Variants in DNAJC6 observed in about 807,000 individuals in gnomAD.
DNAJC6 encodes the protein DnaJ heat shock protein family (Hsp40) member C6.
Under a neutral mutation model 110.0 loss-of-function variants are expected in DNAJC6, and 34 were observed. The observed-to-expected ratio is 0.31, with a 90% CI of 0.24 to 0.41. The LOEUF (loss-of-function observed/expected upper bound fraction) is 0.41. Among genes scored for constraint, DNAJC6 ranks in the 10% least tolerant of loss-of-function variants. The pLI, the probability that DNAJC6 is intolerant of heterozygous loss-of-function variation, is 1.00. For missense variants in DNAJC6, 1,031 were observed against 1,207.8 expected, an observed-to-expected ratio of 0.85 and a Z score of 2.17; for synonymous variants, 406 against 437.2, an observed-to-expected ratio of 0.93 and a Z score of 0.89.
intron 1 of DNAJC6, among the ~76,000 whole-genome samples, chr1:65,343,515 C>T (rs1052499906): frequency 1.3e-5 from 2 of 152,142 alleles, no homozygotes; most frequent in Non-Finnish European, 2.9e-5. Context: ...CTGGGATATG[C>T]ATCATCCCTT....
chr1:65,413,703 C>T lies in DNAJC6; in HGVS notation c.*678C>T, dbSNP rs538787283. 7 of 152,282 alleles carry T rather than the reference C, an allele frequency of 4.6e-5. No individual in the cohort carries two copies. Among genetic ancestry groups the T allele is most frequent in the Middle Eastern group, 3.4e-3 (1 of 294 alleles). 9.4% of individuals were successfully genotyped at this position (152,282 alleles called of 1,614,324 possible). On this transcript the variant is annotated 3_prime_UTR_variant, in exon 19 of 19. Coordinates refer to ENST00000371069, the MANE Select transcript of DNAJC6 (RefSeq NM_001256864.2). The stretch of plus-strand genomic sequence containing the variant: ...AAATGGTGGCTAAAGAAAATAGGGA[C>T]TCTGAAGATGTCGAAATCTTTATTC...
intron 12 of DNAJC6, among the ~76,000 whole-genome samples, chr1:65,394,279 G>A (rs1645956830): frequency 1.3e-5 from 2 of 152,090 alleles, no homozygotes; most frequent in Non-Finnish European, 2.9e-5. Flanking sequence ...TGATTGACCT[G>A]TCTGAGGATA....
intron 17 of DNAJC6, among the ~76,000 whole-genome samples, chr1:65,409,654 C>A (rs756250441): frequency 1.2e-4 from 19 of 152,070 alleles, no homozygotes; most frequent in Non-Finnish European, 1.6e-4. Context: ...TGAGACTTAC[C>A]AATTCCTGCA....
At chr1:65,307,004 CTCTCTCTCTCTCTCTATATA>C (rs1308578187), upstream of DNAJC6, among the ~76,000 whole-genome samples, 224 of 106,722 alleles carry the variant, frequency 2.1e-3, 2 homozygotes, top group African/African-American at 9.0e-3. Context: ...CTCTCTCTCT[CTCTCTCTCTCTCTCTATATA>C]TATATATATA....
At chr1:65,358,335 C>T (rs904399860) in intron 1 of DNAJC6, among the ~76,000 whole-genome samples, 1 of 151,892 alleles carries the variant, frequency 6.6e-6, no homozygotes, top group Admixed American at 6.5e-5. Flanking sequence ...TGGATAAAAG[C>T]CTGGACTCTA....
intron 1 of DNAJC6, among the ~76,000 whole-genome samples, chr1:65,268,221 TAAG>T (rs1369319606): frequency 2.6e-5 from 4 of 152,216 alleles, no homozygotes. Context: ...ACTTGTGCCT[TAAG>T]AACTGCCTGC....
intron 17 of DNAJC6, 116 bp from the exon 18 acceptor site, chr1:65,411,134 G>A: frequency 1.0e-6 from 1 of 985,584 alleles, no homozygotes. Context: ...GGATCATACA[G>A]GTTGCCCTAA....
At chr1:65,320,257 G>A (rs1645185797) in intron 1 of DNAJC6, among the ~76,000 whole-genome samples, 1 of 152,234 alleles carries the variant, frequency 6.6e-6, no homozygotes, top group Non-Finnish European at 1.5e-5. Flanking sequence ...CAGCCCGAGA[G>A]TATAAGATAA....
intron 1 of DNAJC6, among the ~76,000 whole-genome samples, chr1:65,301,592 C>T (rs1295374684): frequency 1.3e-5 from 2 of 152,076 alleles, no homozygotes; most frequent in Non-Finnish European, 2.9e-5. Context: ...CAGGGAAACA[C>T]GTTTATTGGG....
chr1:65,265,582 C>CA (rs1001048236), intron 1 of DNAJC6, among the ~76,000 whole-genome samples: 23 of 152,054 alleles, frequency 1.5e-4, no homozygotes, highest in Admixed American at 2.6e-4. Flanking sequence ...AATAAAAACT[C>CA]AAAAAAGGAA....
At chr1:65,394,791 A>G in intron 12 of DNAJC6, 107 bp from the exon 13 acceptor site, 1 of 1,326,066 alleles carries the variant, frequency 7.5e-7, no homozygotes, top group Non-Finnish European at 1.0e-6. Flanking sequence ...CCACAAAGAT[A>G]GGAAATTCTT....
upstream of DNAJC6, among the ~76,000 whole-genome samples, chr1:65,308,119 G>A (rs752583137): frequency 6.6e-5 from 10 of 150,688 alleles, no homozygotes; most frequent in Non-Finnish European, 1.3e-4. Context: ...AGAGCTTCCC[G>A]GAAACTTTCT....
At chr1:65,282,270 GA>G (rs1410548869) in intron 1 of DNAJC6, among the ~76,000 whole-genome samples, 4 of 150,898 alleles carry the variant, frequency 2.7e-5, no homozygotes, top group Admixed American at 1.3e-4. Context: ...TTCAAGTTTG[GA>G]AAAAAAAAGT....
At chr1:65,283,423 T>TA (rs1653914511) in intron 1 of DNAJC6, among the ~76,000 whole-genome samples, 2 of 152,238 alleles carry the variant, frequency 1.3e-5, no homozygotes, top group Admixed American at 6.5e-5. Flanking sequence ...GCCTTTTTTT[T>TA]ACTCAGCATA....
At chr1:65,310,067 GCTTCTAATACCAC>G (rs553475245) in intron 1 of DNAJC6, 129 bp downstream of exon 1, 6 of 1,088,848 alleles carry the variant, frequency 5.5e-6, no homozygotes, top group African/African-American at 5.0e-5. Context: ...GGAGGCGAAG[GCTTCTAATACCAC>G]CTGGGTGTCG....
intron 17 of DNAJC6, among the ~76,000 whole-genome samples, chr1:65,409,690 T>C (rs1646110720): frequency 6.6e-6 from 1 of 152,200 alleles, no homozygotes. Flanking sequence ...CTTTGGAAAG[T>C]AGAGGAGAGA....
At position 65,389,396 on chromosome 1, in the gene DNAJC6, C is replaced by G. The variant is rs1470761284; in HGVS notation, c.1334C>G (p.Pro445Arg). Reference protein sequence around the residue: ...WEHYCTKDVNPSILFSSHQEH... With the variant: ...WEHYCTKDVNRSILFSSHQEH... ...CATTACTGCACAAAAGATGTCAATC[C>G]CAGCATCCTCTTCTCTTCTCACCAG... is the stretch of plus-strand genomic sequence containing the variant. Residue 445 changes from proline (P) to arginine (R), a missense_variant, in exon 10 of 19, where the codon CCC becomes CGC. Transcript: ENST00000371069. 1 of 1,613,978 alleles carries G rather than the reference C, an allele frequency of 6.2e-7. No homozygotes were observed. The highest frequency in any genetic ancestry group is 8.5e-7 in the Non-Finnish European group (1 of 1,180,030).
chr1:65,300,305 G>A (rs1356484418), intron 1 of DNAJC6, among the ~76,000 whole-genome samples: 1 of 152,052 alleles, frequency 6.6e-6, no homozygotes, highest in Non-Finnish European at 1.5e-5. Flanking sequence ...TTAACTCATG[G>A]TCCAAGTACC....
intron 16 of DNAJC6, 58 bp from the exon 17 acceptor site, chr1:65,408,583 G>A: frequency 3.8e-6 from 6 of 1,559,644 alleles, no homozygotes; most frequent in Non-Finnish European, 5.2e-6. Context: ...GTGAGATAAT[G>A]ATACAGCATT....
Sources: gnomAD v4.1 joint callset for allele counts (sites outside exome capture counted in the v4.1 genomes callset) on GRCh38, gnomAD v4.1.1 for gene constraint, MANE v1.5 for transcripts, NCBI Gene and HGNC (gene_info 2026-07-23, HGNC 2026-07-21) for gene names.